The following ADGRG7 variants were observed in gnomAD, a reference collection of about 807,000 sequenced individuals.
ADGRG7 encodes the protein adhesion G protein-coupled receptor G7.
ADGRG7 carries 82 observed loss-of-function variants against 88.6 expected under a neutral mutation model. The observed-to-expected ratio is 0.93, with a 90% CI of 0.77 to 1.11. The LOEUF is 1.11. Among genes scored for constraint, ADGRG7 ranks in the 50% most tolerant of loss-of-function variants. The pLI is 0.00. For synonymous variants in ADGRG7, 381 were observed against 345.2 expected (o/e 1.10, Z -1.15); for missense variants, 945 against 953.4 (o/e 0.99, Z 0.12).
At chr3:100,669,816 G>T (rs2094956232) in intron 15 of ADGRG7, among the ~76,000 whole-genome samples, 1 of 152,026 alleles carries the variant, frequency 6.6e-6, no homozygotes, top group African/African-American at 2.4e-5. Context: ...CAGGTGGATT[G>T]CCTGAGGTCA....
intron 14 of ADGRG7, chr3:100,665,241 C>T: frequency 1.9e-6 from 1 of 540,324 alleles, no homozygotes; most frequent in South Asian, 1.4e-5. Flanking sequence ...GGAACTCTCC[C>T]ATCCATTATG....
chr3:100,650,328 T>A (rs934387214), intron 11 of ADGRG7, among the ~76,000 whole-genome samples: 3 of 152,204 alleles, frequency 2.0e-5, no homozygotes, highest in African/African-American at 7.2e-5. Context: ...TCATTTGAGG[T>A]CCAATTTTGT....
intron 1 of ADGRG7, among the ~76,000 whole-genome samples, chr3:100,625,397 C>A (rs1174688266): frequency 2.0e-5 from 3 of 152,096 alleles, no homozygotes; most frequent in Non-Finnish European, 4.4e-5. Flanking sequence ...TATCCTGAGA[C>A]TTAGCTGAAA....
At chr3:100,625,888 C>T (rs902115401) in intron 1 of ADGRG7, among the ~76,000 whole-genome samples, 3 of 152,166 alleles carry the variant, frequency 2.0e-5, no homozygotes, top group Non-Finnish European at 4.4e-5. Context: ...CCAACTTGAT[C>T]GTGGTGGATA....
At chr3:100,668,451 A>T (rs2094954376) in intron 14 of ADGRG7, among the ~76,000 whole-genome samples, 1 of 152,154 alleles carries the variant, frequency 6.6e-6, no homozygotes, top group Non-Finnish European at 1.5e-5. Flanking sequence ...TGCTTGATAA[A>T]TTTGCTAATG....
chr3:100,635,755 G>T lies in ADGRG7; in HGVS notation c.526G>T (p.Ala176Ser), dbSNP rs373966742. The T allele has an allele frequency of 6.2e-7, 1 of 1,613,868 alleles. No individual in the cohort carries two copies. Among genetic ancestry groups the T allele is most frequent in the Non-Finnish European group, 8.5e-7 (1 of 1,179,868 alleles). The change falls in exon 5 of 16, where the codon GCT becomes TCT. Residue 176 changes from alanine (A) to serine (S), a missense_variant. By Grantham distance (99) the Ala-to-Ser change is moderately conservative. Coordinates refer to ENST00000273352, the MANE Select transcript of ADGRG7 (RefSeq NM_032787.3). Reference protein sequence around the residue: ...ILTSDANKLTAENITSATRVV... With the variant: ...ILTSDANKLTSENITSATRVV... Reference sequence around the variant, plus strand: ...AACATCTGATGCCAATAAATTAACTGCTGAGAACATCACTAGTGCTACGCG... The same window carrying T: ...AACATCTGATGCCAATAAATTAACTTCTGAGAACATCACTAGTGCTACGCG...
intron 15 of ADGRG7, among the ~76,000 whole-genome samples, chr3:100,687,551 A>G (rs2094984921): frequency 6.6e-6 from 1 of 152,144 alleles, no homozygotes; most frequent in African/African-American, 2.4e-5. Context: ...GATACATCCC[A>G]TCAATACCTA....
intron 1 of ADGRG7, among the ~76,000 whole-genome samples, chr3:100,617,493 G>C (rs1707242297): frequency 6.6e-6 from 1 of 151,700 alleles, no homozygotes; most frequent in Non-Finnish European, 1.5e-5. Flanking sequence ...CCTTGCGATA[G>C]TTTGCTGAGT....
At chr3:100,627,143 T>C (rs1707390381) in intron 1 of ADGRG7, among the ~76,000 whole-genome samples, 1 of 152,200 alleles carries the variant, frequency 6.6e-6, no homozygotes, top group Admixed American at 6.5e-5. Flanking sequence ...TTGAACTGTG[T>C]TTTTGTCAGT....
At position 100,694,956 on chromosome 3, in the gene ADGRG7, G is replaced by A; in HGVS notation, c.2349G>A (p.Glu783=). Residue 783 remains glutamate, a synonymous_variant, in exon 16 of 16, where the codon GAG becomes GAA. Transcript: ENST00000273352. ...FRLLETSPST[E]EITLSESDNA... ...TACTGGAAACCTCTCCGAGTACTGA[G>A]GAAATCACACTCTCTGAAAGTGACA... The A allele has an allele frequency of 1.2e-6, 2 of 1,614,104 alleles. No individual in the cohort carries two copies. Among genetic ancestry groups the A allele is most frequent in the Non-Finnish European group, 1.7e-6 (2 of 1,179,994 alleles).
In ADGRG7 at chr3:100,654,697, C is replaced by T. The variant is rs961670696; in HGVS notation, c.1380-138C>T. On this transcript the variant is annotated intron_variant, in intron 11 of 15. Transcript: ENST00000273352. ...TGATGTAATCGAGAAGGTAGATTTACCAGCTGTCACAACTGGGCTATGAAC... is the reference window on the plus strand; with the variant it reads ...TGATGTAATCGAGAAGGTAGATTTATCAGCTGTCACAACTGGGCTATGAAC... The T allele has an allele frequency of 1.1e-5, 6 of 570,098 alleles. No homozygotes were observed. The African/African-American group carries it at 1.1e-4, about 11-fold the overall frequency. The allele number at this position is 570,098 out of a possible 1,614,324, so 35.3% of individuals were successfully genotyped here. A position where few individuals can be genotyped will look rare whatever the true frequency, so the allele number is the denominator to read the frequency against.
At chr3:100,691,854 T>C (rs2094994535) in intron 15 of ADGRG7, among the ~76,000 whole-genome samples, 1 of 152,104 alleles carries the variant, frequency 6.6e-6, no homozygotes, top group Non-Finnish European at 1.5e-5. Context: ...TTTTTATGCA[T>C]ACTCTTCTCA....
chr3:100,635,752 A>G lies in ADGRG7; in HGVS notation c.523A>G (p.Thr175Ala), dbSNP rs767048784. The change falls in exon 5 of 16, where the codon ACT becomes GCT. Residue 175 changes from threonine to alanine, a missense_variant. Thr to Ala is a moderately conservative substitution (Grantham distance 58). Transcript: ENST00000273352. ...TTTAACATCTGATGCCAATAAATTA[A>G]CTGCTGAGAACATCACTAGTGCTAC... ...QILTSDANKL[T>A]AENITSATRV... 7 of 1,613,946 alleles carry G rather than the reference A, an allele frequency of 4.3e-6. No homozygotes were observed. The East Asian group carries it at 1.6e-4, about 36-fold the overall frequency.
intron 14 of ADGRG7, among the ~76,000 whole-genome samples, chr3:100,662,243 A>G (rs1223995367): frequency 1.3e-5 from 2 of 152,154 alleles, no homozygotes; most frequent in African/African-American, 4.8e-5. Context: ...ACGAGGATAC[A>G]GTTTATGGCT....
intron 1 of ADGRG7, among the ~76,000 whole-genome samples, chr3:100,620,303 A>G (rs963847765): frequency 3.9e-5 from 6 of 152,264 alleles, no homozygotes; most frequent in Non-Finnish European, 8.8e-5. Context: ...ACCAATGACA[A>G]AAACTATATG....
rs766478473 is a variant in ADGRG7 at position 100,629,652 on chromosome 3, C to T, written c.170C>T (p.Thr57Ile). 9.3e-6 allele frequency: 15 copies of T among 1,613,142 alleles called. No homozygotes were observed. Among genetic ancestry groups the T allele is most frequent in the Non-Finnish European group, 1.2e-5 (14 of 1,179,490 alleles). ...ACAGAGTTCTGCAGGAATGGTGGAA[C>T]CTGGGAAAATGGCAGATGTATTTGT... ...TPTEFCRNGG[T>I]WENGRCICTE... Residue 57 changes from threonine (T) to isoleucine (I), a missense_variant, in exon 2 of 16, where the codon ACC (threonine) becomes ATC (isoleucine). Transcript: ENST00000273352.
intron 4 of ADGRG7, among the ~76,000 whole-genome samples, chr3:100,634,885 G>C (rs77655316): frequency 0.023 from 3,426 of 152,216 alleles, 137 homozygotes; most frequent in African/African-American, 0.079. Flanking sequence ...AATTGAATTA[G>C]GGTTATTTGT....
intron 11 of ADGRG7, 125 bp from the exon 12 acceptor site, chr3:100,654,710 C>G: frequency 3.3e-6 from 2 of 599,920 alleles, no homozygotes; most frequent in South Asian, 4.8e-5. Context: ...GCTGTCACAA[C>G]TGGGCTATGA....
In ADGRG7 at chr3:100,628,112, C is replaced by T. The variant is rs554631813; in HGVS notation, c.116-1486C>T. On this transcript the variant is annotated intron_variant, in intron 1 of 15. Transcript: ENST00000273352. ...AACCCCAAAGAGTTTCCTGTCATAC[C>T]TTAACCCATTAAGACTGGCTTTCTG... Among the ~76,000 whole-genome samples, 25 of 152,174 alleles carry T rather than the reference C, an allele frequency of 1.6e-4. 1 individual carries two copies. In the South Asian group the frequency reaches 4.8e-3, roughly 29 times the overall value.
Sources: gnomAD v4.1 joint callset for allele counts (sites outside exome capture counted in the v4.1 genomes callset) on GRCh38, gnomAD v4.1.1 for gene constraint, MANE v1.5 for transcripts, NCBI Gene and HGNC (gene_info 2026-07-23, HGNC 2026-07-21) for gene names.